The following SNX30 variants were observed in gnomAD, a reference collection of about 807,000 sequenced individuals.
SNX30 encodes sorting nexin family member 30.
SNX30 carries 24 observed loss-of-function variants against 46.4 expected under a neutral mutation model. That is an observed-to-expected ratio of 0.52 (90% confidence interval 0.37 to 0.73). The LOEUF (loss-of-function observed/expected upper bound fraction) is 0.73. Among genes scored for constraint, SNX30 ranks in the 30% least tolerant of loss-of-function variants. The pLI is 0.00. For missense variants in SNX30, 533 were observed against 555.7 expected, an observed-to-expected ratio of 0.96 and a Z score of 0.41; for synonymous variants, 189 against 211.5, an observed-to-expected ratio of 0.89 and a Z score of 0.92.
intron 7 of SNX30, 65 bp from the exon 8 acceptor site, chr9:112,864,182 A>G: frequency 5.2e-6 from 8 of 1,536,622 alleles, no homozygotes; most frequent in African/African-American, 1.4e-5. Context: ...GTGTGCTCAG[A>G]GGAGCTCAAG....
At chr9:112,793,746 A>G (rs1840061767) in intron 1 of SNX30, among the ~76,000 whole-genome samples, 1 of 150,632 alleles carries the variant, frequency 6.6e-6, no homozygotes, top group Non-Finnish European at 1.5e-5. Context: ...CCTCATTTCC[A>G]GTATTGATAT....
At chr9:112,792,617 G>T (rs1206019314) in intron 1 of SNX30, among the ~76,000 whole-genome samples, 1 of 151,994 alleles carries the variant, frequency 6.6e-6, no homozygotes, top group Non-Finnish European at 1.5e-5. Context: ...CTAGAGACAG[G>T]GTTTCCCCAT....
chr9:112,772,195 C>G (rs1839662925), intron 1 of SNX30, among the ~76,000 whole-genome samples: 1 of 152,164 alleles, frequency 6.6e-6, no homozygotes, highest in African/African-American at 2.4e-5. Context: ...AGGGGTTACT[C>G]TAGCTTCATT....
At chr9:112,797,169 C>G (rs762519404) in intron 1 of SNX30, among the ~76,000 whole-genome samples, 2 of 152,216 alleles carry the variant, frequency 1.3e-5, no homozygotes, top group Non-Finnish European at 2.9e-5. Context: ...ACTAGGCCTT[C>G]TTAGTTTCAC....
At chr9:112,848,955 G>A (rs1287657424) in intron 6 of SNX30, among the ~76,000 whole-genome samples, 1 of 152,202 alleles carries the variant, frequency 6.6e-6, no homozygotes, top group Non-Finnish European at 1.5e-5. Context: ...ATTGTTCCAG[G>A]GCATTGTCTT....
downstream of SNX30, among the ~76,000 whole-genome samples, chr9:112,882,695 G>C (rs1841595949): frequency 6.6e-6 from 1 of 152,132 alleles, no homozygotes; most frequent in Non-Finnish European, 1.5e-5. Flanking sequence ...GAGGTGGGGG[G>C]AGATGAAGGA....
chr9:112,805,003 G>T, intron 2 of SNX30, 36 bp downstream of exon 2: 2 of 1,504,510 alleles, frequency 1.3e-6, no homozygotes, highest in South Asian at 1.4e-5. Context: ...CGTGTTGAGT[G>T]GTCTCGGGGA....
At chr9:112,849,146 G>A (rs1840985611) in intron 6 of SNX30, among the ~76,000 whole-genome samples, 2 of 152,202 alleles carry the variant, frequency 1.3e-5, no homozygotes, top group African/African-American at 2.4e-5. Context: ...CTGCCCTGCT[G>A]TTCCATTGCA....
intron 1 of SNX30, among the ~76,000 whole-genome samples, chr9:112,784,920 TCTAGAATAGCAC>T (rs1464945527): frequency 6.6e-6 from 1 of 152,166 alleles, no homozygotes; most frequent in Admixed American, 6.5e-5. Flanking sequence ...TTCCTCCACA[TCTAGAATAGCAC>T]CTAGCAGTCC....
intron 1 of SNX30, among the ~76,000 whole-genome samples, chr9:112,796,428 G>A (rs10817385): frequency 0.017 from 2,584 of 152,230 alleles, 59 homozygotes; most frequent in East Asian, 0.12. Flanking sequence ...GGGTGTGGAC[G>A]CCGTGTGTCC....
chr9:112,879,867 G>A (rs768541625), downstream of SNX30: 9 of 1,566,050 alleles, frequency 5.7e-6, no homozygotes, highest in Non-Finnish European at 7.9e-6. Flanking sequence ...CTGGAATGGG[G>A]TAAAGGTGAA....
At chr9:112,825,985 C>T (rs908079758) in intron 3 of SNX30, among the ~76,000 whole-genome samples, 2 of 152,146 alleles carry the variant, frequency 1.3e-5, no homozygotes, top group African/African-American at 2.4e-5. Flanking sequence ...CTCTAGGGTT[C>T]CTTTAAATAT....
chr9:112,817,927 T>C (rs1840426731), intron 3 of SNX30, 112 bp downstream of exon 3: 2 of 721,090 alleles, frequency 2.8e-6, no homozygotes, highest in South Asian at 1.6e-5. Flanking sequence ...AGCAAACATA[T>C]ATAAAACATG....
intron 2 of SNX30, 47 bp from the exon 3 acceptor site, chr9:112,817,658 A>C (rs776189985): frequency 8.9e-7 from 1 of 1,121,330 alleles, no homozygotes; most frequent in South Asian, 1.3e-5. Flanking sequence ...TTCAGCCAAG[A>C]TATGCTATTC....
intron 1 of SNX30, among the ~76,000 whole-genome samples, chr9:112,770,812 A>G (rs941340753): frequency 7.2e-5 from 11 of 152,196 alleles, no homozygotes; most frequent in East Asian, 3.9e-4. Flanking sequence ...CCTGGCCAAC[A>G]TGGTGAAACC....
chr9:112,853,387 G>A (rs571402365), intron 7 of SNX30, among the ~76,000 whole-genome samples: 23 of 152,252 alleles, frequency 1.5e-4, no homozygotes, highest in African/African-American at 5.1e-4. Context: ...GCCTATGGCC[G>A]GCCCCACTGA....
At chr9:112,804,575 T>G (rs183670471) in intron 1 of SNX30, among the ~76,000 whole-genome samples, 8 of 152,330 alleles carry the variant, frequency 5.3e-5, no homozygotes, top group Non-Finnish European at 8.8e-5. Context: ...TGAAATTGAT[T>G]CAAAGCACTA....
intron 1 of SNX30, among the ~76,000 whole-genome samples, chr9:112,795,799 A>ACACG (rs1840099863): frequency 1.3e-5 from 2 of 151,798 alleles, no homozygotes; most frequent in Admixed American, 6.6e-5. Flanking sequence ...ACACACACGC[A>ACACG]CACATGATGA....
intron 4 of SNX30, among the ~76,000 whole-genome samples, chr9:112,832,779 TAAA>T (rs1840686667): frequency 6.8e-6 from 1 of 146,006 alleles, no homozygotes; most frequent in East Asian, 2.0e-4. Context: ...AGTATAATAA[TAAA>T]AAATTTAAAA....
Sources: allele counts gnomAD v4.1 joint callset (sites outside exome capture counted in the v4.1 genomes callset), GRCh38; gene constraint gnomAD v4.1.1; transcripts MANE v1.5; gene names NCBI Gene and HGNC (gene_info 2026-07-23, HGNC 2026-07-21).